TEX10: variants seen among roughly 807,000 people sequenced by gnomAD.
TEX10 encodes the protein testis-expressed protein 10.
In TEX10, 24 loss-of-function variants were observed where a neutral mutation model predicts 104.4. That is an observed-to-expected ratio of 0.23 (90% CI 0.17 to 0.32). TEX10 has a LOEUF of 0.32. Among genes scored for constraint, TEX10 ranks in the 10% least tolerant of loss-of-function variants. The pLI is 1.00. For synonymous variants in TEX10, 396 were observed against 393.4 expected, an observed-to-expected ratio of 1.01 and a Z score of -0.08; for missense variants, 921 against 1,083.9, an observed-to-expected ratio of 0.85 and a Z score of 2.11.
At chr9:100,316,844 C>T (rs1160053304) in intron 11 of TEX10, among the ~76,000 whole-genome samples, 2 of 119,278 alleles carry the variant, frequency 1.7e-5, no homozygotes, top group African/African-American at 3.3e-5. Flanking sequence ...TTCTATATAC[C>T]AATAACTAGT....
In TEX10 at chr9:100,330,161, T is replaced by C. The variant is rs1834820064; in HGVS notation, c.1259A>G (p.His420Arg). ...TATGTTATTGGAGAGAACTGTGCAA[T>C]GCTTGATGCTAGAAACAAAGACACA... ...KRKEPNKSIK[H>R]CTVLSNNIDH... The change falls in exon 6 of 15, where the codon CAT becomes CGT. Residue 420 changes from histidine to arginine, a missense_variant. Physicochemically the swap from His to Arg is conservative, Grantham distance 29. Transcript: ENST00000374902. 6.3e-7 allele frequency: 1 copy of C among 1,598,820 alleles called. No homozygotes were observed. Among genetic ancestry groups the C allele is most frequent in the South Asian group, 1.1e-5 (1 of 89,996 alleles).
At position 100,308,597 on chromosome 9, in the gene TEX10, T is replaced by G; in HGVS notation, c.2368A>C (p.Ser790Arg). Residue 790 changes from serine to arginine, a missense_variant, in exon 13 of 15, where the codon AGT becomes CGT. By Grantham distance (110) the Ser-to-Arg change is moderately radical. Transcript: ENST00000374902. ...GCCAGAAATGGCAGTAGAGTCTCACTAACTACACAAGTATGATCCAGGAGC... is the reference window on the plus strand; with the variant it reads ...GCCAGAAATGGCAGTAGAGTCTCACGAACTACACAAGTATGATCCAGGAGC... ...CKLLDHTCVV[S>R]ETLLPFLASC... is the part of the protein sequence containing the mutation. 2 of 1,613,442 alleles carry G rather than the reference T, an allele frequency of 1.2e-6. No homozygotes were observed. Among genetic ancestry groups the G allele is most frequent in the Non-Finnish European group, 1.7e-6 (2 of 1,179,626 alleles).
At chr9:100,308,948 G>A (rs1259711914) in intron 12 of TEX10, among the ~76,000 whole-genome samples, 1 of 152,110 alleles carries the variant, frequency 6.6e-6, no homozygotes, top group Non-Finnish European at 1.5e-5. Context: ...TCTTCTAAAT[G>A]TTCTATAAAA....
rs201335996 is a variant in TEX10, at chr9:100,326,394, C to T, written c.1887G>A (p.Pro629=). 9 of 1,613,802 alleles carry T rather than the reference C, an allele frequency of 5.6e-6. No homozygotes were observed. The highest frequency in any genetic ancestry group is 5.0e-5 in the Admixed American group (3 of 59,974). The change falls in exon 9 of 15, where the codon CCG becomes CCA. Residue 629 remains proline (P), a synonymous_variant. Transcript: ENST00000374902. ...GACTTAACCGAGAAAGCAAATCAGC[C>T]GGCAGACTGGGTAGGAAATATACAA... The part of the protein sequence containing the change: ...VQLVYFLPSL[P]ADLLSRLSRC...
chr9:100,352,643 A>G (rs920199425), intron 1 of TEX10, 129 bp downstream of exon 1: 2 of 1,441,034 alleles, frequency 1.4e-6, no homozygotes, highest in African/African-American at 1.4e-5. Context: ...GCCGCGGCCC[A>G]GACCCGGGGG....
rs755160652 is a variant in TEX10, at chr9:100,329,878, A to G, written c.1489+53T>C. The G allele has an allele frequency of 5.6e-6, 8 of 1,427,584 alleles. No homozygotes were observed. In the African/African-American group the frequency reaches 9.9e-5, roughly 18 times the overall value. The allele number at this position is 1,427,584 out of a possible 1,614,324, so 88.4% of individuals were successfully genotyped here. ...CATCATTTCAAAGCTAGACCTTAAG[A>G]TAGCACATGTAAGAGCTCCACTCTT... On this transcript the variant is annotated intron_variant, in intron 6 of 14. Transcript: ENST00000374902.
chr9:100,338,359 G>A (rs1196897859), intron 5 of TEX10, among the ~76,000 whole-genome samples: 3 of 152,166 alleles, frequency 2.0e-5, no homozygotes, highest in Non-Finnish European at 4.4e-5. Context: ...CCGCTTTTCA[G>A]AGTACTGGGC....
intron 13 of TEX10, chr9:100,306,193 G>A (rs1834139328): frequency 6.6e-6 from 1 of 152,112 alleles, no homozygotes; most frequent in South Asian, 2.1e-4. Context: ...GACGAAGACA[G>A]AATAAAAAGC....
chr9:100,333,002 G>GT (rs1441903340), intron 5 of TEX10, among the ~76,000 whole-genome samples: 3 of 151,472 alleles, frequency 2.0e-5, no homozygotes, highest in East Asian at 4.0e-4. Flanking sequence ...ATTCCTACCT[G>GT]TTTTTTGTTT....
intron 1 of TEX10, among the ~76,000 whole-genome samples, chr9:100,352,138 C>CA (rs1038542340): frequency 1.4e-4 from 21 of 151,910 alleles, no homozygotes; most frequent in Admixed American, 3.3e-4. Context: ...CCTTCTTTTC[C>CA]AAAAAAAATC....
intron 11 of TEX10, among the ~76,000 whole-genome samples, chr9:100,313,479 T>C (rs10819756): frequency 0.6 from 89,047 of 148,830 alleles, 27,771 homozygotes; most frequent in East Asian, 0.89. Flanking sequence ...CGTGCCATTG[T>C]ACGCCAGCCT....
In TEX10 at chr9:100,352,909, C is replaced by T. The variant is rs1322726083; in HGVS notation, c.-147G>A. The T allele has an allele frequency of 5.1e-5, 51 of 990,422 alleles. No homozygotes were observed. The highest frequency in any genetic ancestry group is 5.9e-5 in the Non-Finnish European group (49 of 833,824). The allele number at this position is 990,422 out of a possible 1,614,324, so 61.4% of individuals were successfully genotyped here. Reference sequence around the variant, plus strand: ...GTTTTCAAATAGCCTCGTCCTCACGCGGCCGCGTCTCCTTCCGCCGCCCGG... The same window carrying T: ...GTTTTCAAATAGCCTCGTCCTCACGTGGCCGCGTCTCCTTCCGCCGCCCGG... On this transcript the variant is annotated 5_prime_UTR_variant, in exon 1 of 15. Coordinates refer to ENST00000374902, the MANE Select transcript of TEX10 (RefSeq NM_017746.4).
At chr9:100,304,001 C>CCA (rs144841002) in intron 13 of TEX10, 159 bp from the exon 14 acceptor site, 50 of 660,356 alleles carry the variant, frequency 7.6e-5, no homozygotes, top group South Asian at 2.0e-4. Context: ...CTTACAATAG[C>CCA]CACACACACA....
In TEX10 at chr9:100,352,756, G is replaced by A. The variant is rs1835494674; in HGVS notation, c.-10+16C>T. ...CGCCCCGGGAGGACCCGGCCCGACG[G>A]GCGACGGCCGCTTACCTGAGGACCC... On this transcript the variant is annotated intron_variant, in intron 1 of 14. Coordinates refer to ENST00000374902, the MANE Select transcript of TEX10 (RefSeq NM_017746.4). 7.8e-6 allele frequency: 9 copies of A among 1,152,668 alleles called. No individual in the cohort carries two copies. The highest frequency in any genetic ancestry group is 9.6e-6 in the Non-Finnish European group (9 of 938,638). The allele number at this position is 1,152,668 out of a possible 1,614,324, so 71.4% of individuals were successfully genotyped here.
intron 5 of TEX10, among the ~76,000 whole-genome samples, chr9:100,336,758 T>C (rs949724841): frequency 2.0e-5 from 3 of 152,188 alleles, no homozygotes; most frequent in Admixed American, 2.0e-4. Flanking sequence ...CATAGCAAAA[T>C]GGTTGGGGAC....
chr9:100,324,387 GA>G (rs1182886933), intron 9 of TEX10, among the ~76,000 whole-genome samples: 1 of 152,102 alleles, frequency 6.6e-6, no homozygotes, highest in Non-Finnish European at 1.5e-5. Context: ...ATGGGCTCAA[GA>G]AGGCTGAAAA....
At chr9:100,310,456 T>TG in intron 11 of TEX10, 77 bp from the exon 12 acceptor site, 1 of 1,341,818 alleles carries the variant, frequency 7.5e-7, no homozygotes, top group African/African-American at 1.5e-5. Context: ...TTCTTTTTTT[T>TG]GAGACAGAGT....
At chr9:100,335,909 A>C (rs1201620477) in intron 5 of TEX10, among the ~76,000 whole-genome samples, 1 of 152,088 alleles carries the variant, frequency 6.6e-6, no homozygotes, top group Non-Finnish European at 1.5e-5. Flanking sequence ...TTTAAAATGT[A>C]GGTATCAGGT....
At chr9:100,329,305 T>A in intron 6 of TEX10, 30 bp from the exon 7 acceptor site, 1 of 1,580,574 alleles carries the variant, frequency 6.3e-7, no homozygotes, top group Non-Finnish European at 8.5e-7. Flanking sequence ...AACTTGCATA[T>A]GAATCAAAAA....
Sources: allele counts gnomAD v4.1 joint callset (sites outside exome capture counted in the v4.1 genomes callset), GRCh38; gene constraint gnomAD v4.1.1; transcripts MANE v1.5; gene names NCBI Gene and HGNC (gene_info 2026-07-23, HGNC 2026-07-21).